The following PLSCR5 variants were observed in gnomAD, a reference collection of about 807,000 sequenced individuals.
PLSCR5 encodes phospholipid scramblase family member 5.
PLSCR5 carries 44 observed loss-of-function variants against 33.6 expected under a neutral mutation model. The ratio of observed to expected loss-of-function variants is 1.31; its 90% CI spans 1.03 to 1.69. PLSCR5 has a LOEUF of 1.69. Ranked by LOEUF, PLSCR5 falls within the 40% of genes most tolerant of loss-of-function variation. The pLI is 0.00. For missense variants in PLSCR5, 375 were observed against 318.7 expected (o/e 1.18, Z -1.34); for synonymous variants, 148 against 112.3 (o/e 1.32, Z -2.01).
Position 146,594,134 on chromosome 3 carries a change from A to C in PLSCR5, c.239T>G (p.Leu80Arg), listed in dbSNP as rs772265328. Residue 80 changes from leucine (L) to arginine (R), a missense_variant, in exon 4 of 8, where the codon CTT becomes CGT. Physicochemically the swap from Leu to Arg is moderately radical, Grantham distance 102 (BLOSUM62 -2). Transcript: ENST00000443512. Reference protein sequence around the residue: ...HQQVELLGMILGTETSNKYEI... With the variant: ...HQQVELLGMIRGTETSNKYEI... ...ATATTTGTTGGAGGTCTCAGTACCAAGTATCACTAATGGAACAAAAAAAAA... is the reference window on the plus strand; with the variant it reads ...ATATTTGTTGGAGGTCTCAGTACCACGTATCACTAATGGAACAAAAAAAAA... The C allele has an allele frequency of 1.2e-6, 2 of 1,609,666 alleles. No individual in the cohort carries two copies. Among genetic ancestry groups the C allele is most frequent in the Non-Finnish European group, 1.7e-6 (2 of 1,177,520 alleles).
chr3:146,582,655 T>C (rs1418031748), downstream of PLSCR5, among the ~76,000 whole-genome samples: 2 of 152,134 alleles, frequency 1.3e-5, no homozygotes, highest in Non-Finnish European at 2.9e-5. Flanking sequence ...AAAATTTAGT[T>C]TGTAGTTTAA....
downstream of PLSCR5, among the ~76,000 whole-genome samples, chr3:146,582,451 A>C (rs2044638556): frequency 6.6e-6 from 1 of 152,186 alleles, no homozygotes. Context: ...CTTTATGCAA[A>C]TTAGATGCCC....
At chr3:146,590,947 T>C (rs1278330522) in intron 5 of PLSCR5, among the ~76,000 whole-genome samples, 1 of 151,982 alleles carries the variant, frequency 6.6e-6, no homozygotes, top group Non-Finnish European at 1.5e-5. Flanking sequence ...TACAACTTTC[T>C]ATTTTTTAAA....
intron 2 of PLSCR5, among the ~76,000 whole-genome samples, chr3:146,599,426 TAAC>T (rs1009034402): frequency 1.3e-5 from 2 of 152,106 alleles, no homozygotes; most frequent in African/African-American, 4.8e-5. Flanking sequence ...CTTTGATCCT[TAAC>T]AACCTCTCTC....
intron 2 of PLSCR5, among the ~76,000 whole-genome samples, chr3:146,596,850 CA>C (rs2044765580): frequency 6.6e-6 from 1 of 151,772 alleles, no homozygotes; most frequent in African/African-American, 2.4e-5. Flanking sequence ...TTAAGATTCA[CA>C]AAAAATATTT....
downstream of PLSCR5, among the ~76,000 whole-genome samples, chr3:146,584,057 C>T (rs939164855): frequency 2.0e-5 from 3 of 152,072 alleles, no homozygotes; most frequent in African/African-American, 7.2e-5. Context: ...GACAATTTCC[C>T]AGGCAGTCAT....
chr3:146,585,575 T>A (rs779683332), downstream of PLSCR5, among the ~76,000 whole-genome samples: 2 of 152,224 alleles, frequency 1.3e-5, no homozygotes, highest in Non-Finnish European at 2.9e-5. Flanking sequence ...AAACAAAGTA[T>A]AAAGGGACTA....
chr3:146,589,328 T>A (rs1040910744), intron 6 of PLSCR5, among the ~76,000 whole-genome samples: 3 of 151,762 alleles, frequency 2.0e-5, no homozygotes, highest in African/African-American at 7.3e-5. Flanking sequence ...TGTTTGCATA[T>A]TTTTTAGTTC....
chr3:146,596,526 T>C lies in PLSCR5; in HGVS notation c.190-1443A>G, dbSNP rs900605858. On this transcript the variant is annotated intron_variant, in intron 2 of 7. Transcript: ENST00000443512. Reference sequence around the variant, plus strand: ...TATTTTCAATCTGATATTCAGTACTTGAAGATCCAGTAATGCAAAAGCATG... The same window carrying C: ...TATTTTCAATCTGATATTCAGTACTCGAAGATCCAGTAATGCAAAAGCATG... Among the ~76,000 whole-genome samples the C allele has an allele frequency of 3.3e-5, 5 of 152,186 alleles. No individual in the cohort carries two copies. In the East Asian group the frequency reaches 9.6e-4, roughly 29 times the overall value.
chr3:146,598,520 A>G (rs1357819203), intron 2 of PLSCR5, among the ~76,000 whole-genome samples: 1 of 152,114 alleles, frequency 6.6e-6, no homozygotes, highest in African/African-American at 2.4e-5. Flanking sequence ...AATTTATTCC[A>G]TTTTAGAACC....
intron 2 of PLSCR5, among the ~76,000 whole-genome samples, chr3:146,596,568 CT>C (rs1350397787): frequency 1.3e-5 from 2 of 152,184 alleles, no homozygotes; most frequent in Non-Finnish European, 1.5e-5. Context: ...AAATATGCTG[CT>C]GATCATTGTA....
At chr3:146,602,124 C>G (rs77373804) in intron 1 of PLSCR5, among the ~76,000 whole-genome samples, 2,423 of 152,062 alleles carry the variant, frequency 0.016, 57 homozygotes, top group African/African-American at 0.055. Flanking sequence ...TTGGTTTCCG[C>G]AAGTACCCCC....
intron 1 of PLSCR5, 36 bp downstream of exon 1, chr3:146,605,164 A>G (rs768180245): frequency 6.3e-7 from 1 of 1,585,584 alleles, no homozygotes; most frequent in African/African-American, 1.3e-5. Flanking sequence ...GTCTTAATAT[A>G]AGAAAAAGTT....
intron 2 of PLSCR5, among the ~76,000 whole-genome samples, chr3:146,596,574 A>G (rs1032851953): frequency 6.6e-6 from 1 of 152,176 alleles, no homozygotes; most frequent in African/African-American, 2.4e-5. Flanking sequence ...GCTGCTGATC[A>G]TTGTATTTTC....
chr3:146,588,274 T>C lies in PLSCR5; in HGVS notation c.777+1379A>G, dbSNP rs765601500. Among the ~76,000 whole-genome samples, 199 of 152,008 alleles carry C rather than the reference T, an allele frequency of 1.3e-3. 1 individual carries two copies. Among genetic ancestry groups the C allele is most frequent in the Non-Finnish European group, 8.4e-4 (57 of 67,954 alleles). On this transcript the variant is annotated intron_variant, in intron 6 of 7. Transcript: ENST00000443512. Reference sequence around the variant, plus strand: ...TCACGAGGTCAGAAGATCGAGACCATCCTGGCTAACACAGTGAAACCCCAT... The same window carrying C: ...TCACGAGGTCAGAAGATCGAGACCACCCTGGCTAACACAGTGAAACCCCAT...
At chr3:146,600,608 C>T in intron 1 of PLSCR5, 145 bp from the exon 2 acceptor site, 1 of 866,466 alleles carries the variant, frequency 1.2e-6, no homozygotes, top group Non-Finnish European at 1.6e-6. Context: ...TTTCACTACT[C>T]ACTGCCATTA....
intron 7 of PLSCR5, among the ~76,000 whole-genome samples, chr3:146,577,499 G>T (rs2044606449): frequency 6.6e-6 from 1 of 151,914 alleles, no homozygotes; most frequent in Non-Finnish European, 1.5e-5. Flanking sequence ...ATCAGAGTTG[G>T]GACTCTACTT....
chr3:146,582,372 A>G (rs1014958281), downstream of PLSCR5, among the ~76,000 whole-genome samples: 39 of 152,212 alleles, frequency 2.6e-4, no homozygotes, highest in African/African-American at 9.2e-4. Context: ...ACAAAGCAAT[A>G]TGGAGTAACT....
At chr3:146,578,289 T>C (rs2044611612) in intron 7 of PLSCR5, among the ~76,000 whole-genome samples, 1 of 152,140 alleles carries the variant, frequency 6.6e-6, no homozygotes, top group Non-Finnish European at 1.5e-5. Flanking sequence ...TTATCTATTA[T>C]GTGGAATAAT....
Sources: allele counts gnomAD v4.1 joint callset (sites outside exome capture counted in the v4.1 genomes callset), GRCh38; gene constraint gnomAD v4.1.1; transcripts MANE v1.5; gene names NCBI Gene and HGNC (gene_info 2026-07-23, HGNC 2026-07-21).